Variants in PLD3 observed in about 807,000 individuals in gnomAD.
The protein encoded by PLD3 is phospholipase D family member 3, also known as 5'-3' exonuclease PLD3.
A neutral mutation model predicts 58.4 loss-of-function variants in PLD3; 31 were observed. That is an observed-to-expected ratio of 0.53 (90% CI 0.40 to 0.72). The LOEUF (loss-of-function observed/expected upper bound fraction) is 0.72. Ranked by LOEUF, PLD3 falls within the 30% of genes least tolerant of loss-of-function variation. The probability of loss-of-function intolerance (pLI) is 0.00; values close to 1 mark genes in which losing one functional copy is unlikely to be tolerated. For missense variants in PLD3, 595 were observed against 659.8 expected, an observed-to-expected ratio of 0.90 and a Z score of 1.08; for synonymous variants, 264 against 273.4, an observed-to-expected ratio of 0.97 and a Z score of 0.34.
intron 10 of PLD3, chr19:40,376,400 T>G (rs1350313302): frequency 3.8e-6 from 2 of 525,432 alleles, no homozygotes; most frequent in Non-Finnish European, 6.7e-6. Context: ...CACTGGGTTT[T>G]GGGGAGCAGG....
chr19:40,351,054 A>G (rs140273867), intron 1 of PLD3, among the ~76,000 whole-genome samples: 5 of 152,008 alleles, frequency 3.3e-5, no homozygotes, highest in East Asian at 3.9e-4. Flanking sequence ...CCTGGGCAAC[A>G]TAGCGAAACC....
rs952273849 is a variant in PLD3, at chr19:40,378,126, C to T, written c.1426C>T (p.Leu476Phe). Reference sequence around the variant, plus strand: ...CTGGGACTCCCCTTACAGCCATGACCTTGACACCTCAGCTGACAGCGTGGG... The same window carrying T: ...CTGGGACTCCCCTTACAGCCATGACTTTGACACCTCAGCTGACAGCGTGGG... ...RDWDSPYSHD[L>F]DTSADSVGNA... Residue 476 changes from leucine (L) to phenylalanine (F), a missense_variant, in exon 13 of 13, where the codon CTT (leucine) becomes TTT (phenylalanine). Physicochemically the swap from Leu to Phe is conservative, Grantham distance 22 (BLOSUM62 0). Transcript: ENST00000409735. The T allele has an allele frequency of 5.6e-6, 9 of 1,613,618 alleles. No individual in the cohort carries two copies. Among genetic ancestry groups the T allele is most frequent in the East Asian group, 2.2e-5 (1 of 44,896 alleles).
chr19:40,371,517 C>CT (rs1568674999), intron 8 of PLD3, 156 bp from the exon 9 acceptor site: 2 of 595,494 alleles, frequency 3.4e-6, no homozygotes, highest in African/African-American at 3.7e-5. Context: ...TTCATCAAAA[C>CT]TTAAGTTGAT....
chr19:40,371,896 C>A, intron 9 of PLD3, 23 bp downstream of exon 9: 1 of 1,583,874 alleles, frequency 6.3e-7, no homozygotes, highest in South Asian at 1.1e-5. Flanking sequence ...CAAGTGGGGC[C>A]TGTCATGTCC....
intron 1 of PLD3, among the ~76,000 whole-genome samples, chr19:40,354,320 C>A (rs998083217): frequency 2.6e-5 from 4 of 151,746 alleles, no homozygotes; most frequent in Non-Finnish European, 4.4e-5. Flanking sequence ...GATCTGACTG[C>A]CTCGGCCTCC....
chr19:40,353,996 C>G (rs1327816023), intron 1 of PLD3, among the ~76,000 whole-genome samples: 1 of 151,568 alleles, frequency 6.6e-6, no homozygotes, highest in Non-Finnish European at 1.5e-5. Context: ...CAGGCTCAAG[C>G]CATCCTCTTG....
intron 7 of PLD3, 23 bp from the exon 8 acceptor site, chr19:40,370,087 A>G (rs767285336): frequency 1.3e-6 from 2 of 1,597,710 alleles, no homozygotes; most frequent in Non-Finnish European, 8.5e-7. Flanking sequence ...CTGGCCCCTG[A>G]TCTCTGCCCC....
intron 1 of PLD3, among the ~76,000 whole-genome samples, chr19:40,363,957 G>C (rs1323985826): frequency 6.6e-6 from 1 of 152,036 alleles, no homozygotes; most frequent in African/African-American, 2.4e-5. Flanking sequence ...TTTTTTAAAA[G>C]GTAATGAAAC....
At chr19:40,367,608 A>T in intron 5 of PLD3, 88 bp from the exon 6 acceptor site, 1 of 1,166,612 alleles carries the variant, frequency 8.6e-7, no homozygotes, top group Non-Finnish European at 1.2e-6. Flanking sequence ...CAGTCTATCC[A>T]ACACACCCAT....
chr19:40,355,578 CT>C lies in PLD3; in HGVS notation c.-279+6812del, dbSNP rs747766108. ...CCGCCTGCCTCAGCCTCCCACAGTGCTTGGATTACAGGTGTGAGCCACCGTG... is the reference window on the plus strand; with the variant it reads ...CCGCCTGCCTCAGCCTCCCACAGTGCTGGATTACAGGTGTGAGCCACCGTG... On this transcript the variant is annotated intron_variant, in intron 1 of 12. Transcript: ENST00000409735. Among the ~76,000 whole-genome samples the C allele has an allele frequency of 1.4e-3, 197 of 138,440 alleles. 1 individual carries two copies. The highest frequency in any genetic ancestry group is 2.2e-3 in the Non-Finnish European group (143 of 65,654). 90.8% of individuals were successfully genotyped at this position (138,440 alleles called of 152,430 possible). A position where few individuals can be genotyped will look rare whatever the true frequency, so the allele number is the denominator to read the frequency against.
At chr19:40,354,060 T>C (rs947302318) in intron 1 of PLD3, among the ~76,000 whole-genome samples, 1 of 142,784 alleles carries the variant, frequency 7.0e-6, no homozygotes, top group Non-Finnish European at 1.5e-5. Flanking sequence ...TCCCCAGCTA[T>C]TTTTTAGCCT....
chr19:40,363,697 C>T (rs1290616309), intron 1 of PLD3, among the ~76,000 whole-genome samples: 2 of 152,148 alleles, frequency 1.3e-5, no homozygotes, highest in Admixed American at 6.6e-5. Flanking sequence ...TCCCAAAGTG[C>T]TGGGATTACA....
intron 1 of PLD3, among the ~76,000 whole-genome samples, chr19:40,352,289 A>G (rs2078538335): frequency 6.6e-6 from 1 of 152,120 alleles, no homozygotes; most frequent in South Asian, 2.1e-4. Context: ...ATAAATAAAT[A>G]GTCATAAAAT....
rs978546414 is a variant in PLD3 at position 40,377,680 on chromosome 19, G to A, written c.1186-106G>A. 89 of 772,762 alleles carry A rather than the reference G, an allele frequency of 1.2e-4. 1 individual carries two copies. The highest frequency in any genetic ancestry group is 1.9e-4 in the Non-Finnish European group (85 of 452,756). 47.9% of individuals were successfully genotyped at this position (772,762 alleles called of 1,614,324 possible). Reference sequence around the variant, plus strand: ...CTGGCCCCCGAGGATTCTGTGGGAAGCAGTGGAGTCCCACAGATCTCGCTC... The same window carrying A: ...CTGGCCCCCGAGGATTCTGTGGGAAACAGTGGAGTCCCACAGATCTCGCTC... On this transcript the variant is annotated intron_variant, in intron 11 of 12. Coordinates refer to ENST00000409735, the MANE Select transcript of PLD3 (RefSeq NM_012268.4).
intron 10 of PLD3, chr19:40,374,887 G>A (rs1259499529): frequency 1.3e-5 from 6 of 468,256 alleles, no homozygotes; most frequent in Non-Finnish European, 2.3e-5. Context: ...CGGGCGTGGT[G>A]GCTCACGCCT....
At chr19:40,367,053 G>A (rs1474484823) in intron 5 of PLD3, 138 bp downstream of exon 5, 8 of 887,776 alleles carry the variant, frequency 9.0e-6, no homozygotes, top group East Asian at 2.7e-5. Context: ...CCAAGTGCTC[G>A]CCCGCCCCCT....
intron 10 of PLD3, 56 bp from the exon 11 acceptor site, chr19:40,376,553 C>T: frequency 6.4e-7 from 1 of 1,552,220 alleles, no homozygotes; most frequent in Non-Finnish European, 8.7e-7. Context: ...AGGGCAAAGC[C>T]TGTGGACACA....
chr19:40,376,889 G>A, intron 11 of PLD3, 115 bp downstream of exon 11: 1 of 1,034,098 alleles, frequency 9.7e-7, no homozygotes, highest in Non-Finnish European at 1.4e-6. Flanking sequence ...CCCTGTCACT[G>A]TGGGGAAACC....
chr19:40,373,729 G>GC (rs1418002272), intron 9 of PLD3, among the ~76,000 whole-genome samples: 1 of 152,090 alleles, frequency 6.6e-6, no homozygotes, highest in Non-Finnish European at 1.5e-5. Context: ...GCTCACGCCT[G>GC]TAATCCCAGC....
Sources: allele counts gnomAD v4.1 joint callset (sites outside exome capture counted in the v4.1 genomes callset), GRCh38; gene constraint gnomAD v4.1.1; transcripts MANE v1.5; gene names NCBI Gene and HGNC (gene_info 2026-07-23, HGNC 2026-07-21).